The following BTBD16 variants were observed in gnomAD, a reference collection of about 807,000 sequenced individuals.
BTBD16 encodes the protein BTB/POZ domain-containing protein 16.
In BTBD16, 66 loss-of-function variants were observed where a neutral mutation model predicts 67.4. That is an observed-to-expected ratio of 0.98 (90% CI 0.80 to 1.20). The LOEUF is 1.20. BTBD16 is among the 50% of genes most tolerant of loss of function. The probability of loss-of-function intolerance (pLI) is 0.00; values close to 1 mark genes in which losing one functional copy is unlikely to be tolerated. For missense variants in BTBD16, 634 were observed against 616.0 expected, an observed-to-expected ratio of 1.03 and a Z score of -0.31; for synonymous variants, 242 against 236.4, an observed-to-expected ratio of 1.02 and a Z score of -0.22.
At chr10:122,314,122 G>A (rs901998679) in intron 10 of BTBD16, among the ~76,000 whole-genome samples, 1 of 152,140 alleles carries the variant, frequency 6.6e-6, no homozygotes, top group Non-Finnish European at 1.5e-5. Context: ...GATTTTGACT[G>A]GGAAGACATT....
intron 9 of BTBD16, among the ~76,000 whole-genome samples, chr10:122,305,746 C>T (rs1189414160): frequency 6.6e-6 from 1 of 152,210 alleles, no homozygotes; most frequent in East Asian, 1.9e-4. Flanking sequence ...TCCTACCCAC[C>T]ACCATCAGGT....
At chr10:122,295,300 G>A in intron 7 of BTBD16, 1 of 985,454 alleles carries the variant, frequency 1.0e-6, no homozygotes, top group Non-Finnish European at 1.2e-6. Flanking sequence ...AATTACAGCA[G>A]TCAAAGGGGG....
chr10:122,293,047 T>C (rs952900731), intron 7 of BTBD16, among the ~76,000 whole-genome samples: 1 of 152,220 alleles, frequency 6.6e-6, no homozygotes, highest in Non-Finnish European at 1.5e-5. Context: ...GTGTGCCTAC[T>C]GCATTGATGT....
chr10:122,288,901 T>C (rs377688416), intron 5 of BTBD16, among the ~76,000 whole-genome samples: 13 of 151,886 alleles, frequency 8.6e-5, no homozygotes, highest in Admixed American at 7.2e-4. Context: ...TTGCAGGCCA[T>C]GTGGGAATTG....
intron 3 of BTBD16, among the ~76,000 whole-genome samples, chr10:122,282,836 G>A (rs1474263512): frequency 6.6e-6 from 1 of 152,178 alleles, no homozygotes; most frequent in East Asian, 1.9e-4. Flanking sequence ...GACGGGCAGG[G>A]GTAAAGCCAC....
At chr10:122,273,221 G>GAGATATATATAT (rs1554885564) in intron 1 of BTBD16, among the ~76,000 whole-genome samples, 1 of 129,470 alleles carries the variant, frequency 7.7e-6, no homozygotes, top group South Asian at 2.7e-4. Flanking sequence ...GCAACACAAA[G>GAGATATATATAT]ATATATATAT....
intron 15 of BTBD16, among the ~76,000 whole-genome samples, chr10:122,337,547 C>T (rs1053801880): frequency 2.6e-5 from 4 of 152,172 alleles, no homozygotes; most frequent in African/African-American, 9.7e-5. Flanking sequence ...TCACTGCAAG[C>T]TCCACCTCCC....
At chr10:122,274,834 A>G (rs1181831223) in intron 1 of BTBD16, among the ~76,000 whole-genome samples, 1 of 148,846 alleles carries the variant, frequency 6.7e-6, no homozygotes, top group Non-Finnish European at 1.5e-5. Context: ...AGATCTCTCT[A>G]TTCACCTGCT....
In BTBD16 at chr10:122,291,196, TA is replaced by T; in HGVS notation, c.590+4del. 6.2e-7 allele frequency: 1 copy of T among 1,607,338 alleles called. No homozygotes were observed. The highest frequency in any genetic ancestry group is 8.5e-7 in the Non-Finnish European group (1 of 1,176,684). The stretch of plus-strand genomic sequence containing the variant: ...CCAGTTCAGTGGCCTGTTTCAAAGG[TA>T]AGGAAACAAGGCTGACTTTGGGCAG... On this transcript the variant is annotated splice_donor_region_variant and intron_variant, in intron 7 of 15. Coordinates refer to ENST00000260723, the MANE Select transcript of BTBD16 (RefSeq NM_144587.5).
chr10:122,283,763 G>A, intron 3 of BTBD16, 88 bp from the exon 4 acceptor site: 1 of 1,005,102 alleles, frequency 9.9e-7, no homozygotes. Flanking sequence ...GGTGCTTTAA[G>A]GACATTTATG....
chr10:122,338,136 G>T lies in BTBD16; in HGVS notation c.*51G>T. On this transcript the variant is annotated 3_prime_UTR_variant, in exon 16 of 16. Transcript: ENST00000260723. ...TTTCCCCCCACTGGTCTGCATAAAA[G>T]AAAATAAAATGACATAAAAGGGAGC... 7.1e-7 allele frequency: 1 copy of T among 1,416,686 alleles called. No individual in the cohort carries two copies. Among genetic ancestry groups the T allele is most frequent in the Non-Finnish European group, 9.9e-7 (1 of 1,010,966 alleles). 87.8% of individuals were successfully genotyped at this position (1,416,686 alleles called of 1,614,324 possible).
intron 9 of BTBD16, among the ~76,000 whole-genome samples, chr10:122,302,682 C>T (rs1327351483): frequency 6.6e-6 from 1 of 152,202 alleles, no homozygotes; most frequent in African/African-American, 2.4e-5. Flanking sequence ...TATAATAGTT[C>T]CTGAATCCAA....
chr10:122,301,184 T>C (rs1056095374), intron 9 of BTBD16, among the ~76,000 whole-genome samples: 1 of 152,150 alleles, frequency 6.6e-6, no homozygotes, highest in African/African-American at 2.4e-5. Context: ...AAACATGGCA[T>C]CCCTTAGACT....
At chr10:122,305,864 T>G (rs1041717670) in intron 9 of BTBD16, among the ~76,000 whole-genome samples, 3 of 152,192 alleles carry the variant, frequency 2.0e-5, no homozygotes, top group Admixed American at 2.0e-4. Flanking sequence ...CCTGTGTCAA[T>G]TTGCTTAGGA....
intron 9 of BTBD16, among the ~76,000 whole-genome samples, chr10:122,301,896 G>A (rs934787036): frequency 6.6e-6 from 1 of 152,212 alleles, no homozygotes; most frequent in African/African-American, 2.4e-5. Context: ...GTCTTGCCCT[G>A]TGTGCTGCAC....
chr10:122,312,637 G>A (rs1220627042), intron 10 of BTBD16, among the ~76,000 whole-genome samples: 1 of 152,032 alleles, frequency 6.6e-6, no homozygotes, highest in Non-Finnish European at 1.5e-5. Flanking sequence ...TCTAATGGAT[G>A]GAGAGTGGAA....
intron 13 of BTBD16, among the ~76,000 whole-genome samples, chr10:122,333,974 G>A (rs1167873246): frequency 1.3e-5 from 2 of 152,066 alleles, no homozygotes; most frequent in African/African-American, 4.8e-5. Context: ...GCATTAATAT[G>A]TGGTATAGAA....
chr10:122,283,701 G>A, intron 3 of BTBD16, 150 bp from the exon 4 acceptor site: 1 of 631,522 alleles, frequency 1.6e-6, no homozygotes, highest in Non-Finnish European at 2.8e-6. Flanking sequence ...TCGGCAAATG[G>A]TGACCTGAGG....
chr10:122,292,383 A>G (rs964809711), intron 7 of BTBD16, among the ~76,000 whole-genome samples: 3 of 152,166 alleles, frequency 2.0e-5, no homozygotes, highest in Admixed American at 2.0e-4. Flanking sequence ...TACTATGCTC[A>G]TTTTACAGAT....
Sources: gnomAD v4.1 joint callset for allele counts (sites outside exome capture counted in the v4.1 genomes callset) on GRCh38, gnomAD v4.1.1 for gene constraint, MANE v1.5 for transcripts, NCBI Gene and HGNC (gene_info 2026-07-23, HGNC 2026-07-21) for gene names.